Variants in PSPC1 observed in about 807,000 individuals in gnomAD.
PSPC1 encodes paraspeckle component 1.
In PSPC1, 14 loss-of-function variants were observed where a neutral mutation model predicts 51.6. That is an observed-to-expected ratio of 0.27 (90% CI 0.18 to 0.42). The LOEUF (loss-of-function observed/expected upper bound fraction) is 0.42, where lower values mean the gene tolerates loss of function less well. Among genes scored for constraint, PSPC1 ranks in the 10% least tolerant of loss-of-function variants. PSPC1 has a pLI of 1.00. For synonymous variants in PSPC1, 193 were observed against 231.9 expected, an observed-to-expected ratio of 0.83 and a Z score of 1.53; for missense variants, 406 against 701.1, an observed-to-expected ratio of 0.58 and a Z score of 4.75.
At chr13:19,751,559 C>T (rs891693157) in intron 3 of PSPC1, 92 bp from the exon 4 acceptor site, 181 of 845,812 alleles carry the variant, frequency 2.1e-4, no homozygotes, top group Non-Finnish European at 2.8e-4. Flanking sequence ...TCCAAGACAC[C>T]GTGTGAGACA....
intron 6 of PSPC1, among the ~76,000 whole-genome samples, chr13:19,682,189 T>C (rs1314616066): frequency 3.3e-5 from 5 of 152,210 alleles, no homozygotes; most frequent in East Asian, 1.9e-4. Context: ...TTTCAGTTAA[T>C]TGGACAACTA....
intron 6 of PSPC1, among the ~76,000 whole-genome samples, chr13:19,727,687 A>C (rs1176187172): frequency 6.6e-6 from 1 of 152,348 alleles, no homozygotes; most frequent in East Asian, 1.9e-4. Flanking sequence ...TAAACTACTT[A>C]ATCTACAGTT....
At chr13:19,761,096 G>A (rs1487394792) in intron 2 of PSPC1, among the ~76,000 whole-genome samples, 1 of 152,080 alleles carries the variant, frequency 6.6e-6, no homozygotes, top group African/African-American at 2.4e-5. Context: ...AGTGAGCTAT[G>A]ATAGAGCCAC....
In PSPC1 at chr13:19,782,346, A is replaced by G. The variant is rs574332004; in HGVS notation, c.372+40T>C. The G allele has an allele frequency of 8.5e-6, 13 of 1,536,524 alleles. No homozygotes were observed. The African/African-American group carries it at 9.9e-5, about 12-fold the overall frequency. On this transcript the variant is annotated intron_variant, in intron 1 of 8. Coordinates refer to ENST00000338910, the MANE Select transcript of PSPC1 (RefSeq NM_001354909.2). This position sits in a 1 kb window ranked among gnomAD's most constrained non-coding sequence, Gnocchi z 4.5. ...GCCCCACGACCCCGCGGCCACCCCGACAGTCCTTTTGTTCCCTCGCGCGGG... is the reference window on the plus strand; with the variant it reads ...GCCCCACGACCCCGCGGCCACCCCGGCAGTCCTTTTGTTCCCTCGCGCGGG...
intron 6 of PSPC1, among the ~76,000 whole-genome samples, chr13:19,718,049 AT>A (rs1486550647): frequency 2.0e-5 from 3 of 152,098 alleles, no homozygotes; most frequent in Non-Finnish European, 2.9e-5. Context: ...CTCCAAAAAA[AT>A]TTTTAAACGT....
Position 19,739,273 on chromosome 13 carries a change from A to G in PSPC1, c.1052+2292T>C, listed in dbSNP as rs559833441. ...TTAGGTTAATTTCTTGTATTTTTGT[A>G]TCCTATTTTGGAATCCACCCCTCAT... On this transcript the variant is annotated intron_variant, in intron 5 of 8. Transcript: ENST00000338910. Among the ~76,000 whole-genome samples the G allele has an allele frequency of 2.6e-5, 4 of 152,170 alleles. No homozygotes were observed. The South Asian group carries it at 8.3e-4, about 32-fold the overall frequency.
chr13:19,695,255 T>C lies in PSPC1; in HGVS notation c.1159-17432A>G, dbSNP rs187273394. On this transcript the variant is annotated intron_variant and NMD_transcript_variant, in intron 6 of 7. Transcript: ENST00000471658. The stretch of plus-strand genomic sequence containing the variant: ...ATCCATTCATATGTCAAAAAGTTCA[T>C]GACATGAACCCCTAGACTTTAGTTG... 1.4e-4 allele frequency among the ~76,000 whole-genome samples: 22 copies of C among 152,336 alleles called. No homozygotes were observed. In the South Asian group the frequency reaches 2.3e-3, roughly 16 times the overall value.
chr13:19,682,486 CA>C (rs138769031), intron 6 of PSPC1, among the ~76,000 whole-genome samples: 4,642 of 98,512 alleles, frequency 0.047, 58 homozygotes, highest in Middle Eastern at 0.12. Flanking sequence ...GGCTGAATGG[CA>C]AAAAAAAAAA....
At chr13:19,766,858 G>GA (rs573223257) in intron 2 of PSPC1, among the ~76,000 whole-genome samples, 3 of 144,332 alleles carry the variant, frequency 2.1e-5, no homozygotes, top group East Asian at 2.0e-4. Context: ...TTGCCTCGAG[G>GA]AAAAAAAAAG....
At chr13:19,696,509 A>G (rs1879268838) in intron 6 of PSPC1, among the ~76,000 whole-genome samples, 1 of 149,322 alleles carries the variant, frequency 6.7e-6, no homozygotes, top group Admixed American at 7.0e-5. Context: ...GCACACACAC[A>G]CACACATACG....
chr13:19,751,061 G>A (rs917290463), intron 4 of PSPC1, among the ~76,000 whole-genome samples: 35 of 151,756 alleles, frequency 2.3e-4, no homozygotes, highest in African/African-American at 7.7e-4. Context: ...GAGCCACCGC[G>A]CCCGTCAAGT....
At chr13:19,769,708 C>G (rs1442049440) in intron 2 of PSPC1, among the ~76,000 whole-genome samples, 17 of 151,984 alleles carry the variant, frequency 1.1e-4, no homozygotes, top group Admixed American at 1.1e-3. Context: ...GCACTCCAGC[C>G]TGGGCAACAA....
intron 7 of PSPC1, among the ~76,000 whole-genome samples, chr13:19,707,033 AATCTAG>A (rs1280324648): frequency 6.6e-6 from 1 of 152,132 alleles, no homozygotes; most frequent in Non-Finnish European, 1.5e-5. Context: ...TAATTTCTAC[AATCTAG>A]ACATGAAGAG....
downstream of PSPC1, among the ~76,000 whole-genome samples, chr13:19,700,434 C>T (rs1879761052): frequency 6.6e-6 from 1 of 151,870 alleles, no homozygotes; most frequent in Admixed American, 6.6e-5. Context: ...ACTAAGTGCT[C>T]AGCACTGATT....
At chr13:19,767,329 C>A in intron 2 of PSPC1, among the ~76,000 whole-genome samples, 1 of 151,910 alleles carries the variant, frequency 6.6e-6, no homozygotes, top group Non-Finnish European at 1.5e-5. Context: ...GCTTAATAGT[C>A]GAAAGTAAGT....
chr13:19,703,814 A>T (rs1477849206), intron 8 of PSPC1, among the ~76,000 whole-genome samples: 2 of 152,204 alleles, frequency 1.3e-5, no homozygotes, highest in African/African-American at 4.8e-5. Flanking sequence ...AAATCTTCAC[A>T]TCAATTCCTT....
At chr13:19,743,286 CAAATTACCTCAACTGAATGTTTCTTAATA>C in intron 4 of PSPC1, among the ~76,000 whole-genome samples, 1 of 152,118 alleles carries the variant, frequency 6.6e-6, no homozygotes, top group Non-Finnish European at 1.5e-5. Flanking sequence ...CTAAAGTGAA[CAAATTACCTCAACTGAATGTTTCTTAATA>C]AACACCTGTA....
At chr13:19,671,237 T>G (rs1314091027), downstream of PSPC1, 1 of 1,614,052 alleles carries the variant, frequency 6.2e-7, no homozygotes, top group East Asian at 2.2e-5. Flanking sequence ...TTCAGCCCTG[T>G]TGCAGGTCCC....
chr13:19,767,619 T>G lies in PSPC1; in HGVS notation c.674+4623A>C, dbSNP rs189482835. The stretch of plus-strand genomic sequence containing the variant: ...AAGTACAATTTTGGAACTGACAAAC[T>G]GGTCAATGAAACAAAAAAGTACAGA... On this transcript the variant is annotated intron_variant, in intron 2 of 8. Coordinates refer to ENST00000338910, the MANE Select transcript of PSPC1 (RefSeq NM_001354909.2). Among the ~76,000 whole-genome samples, 588 of 151,946 alleles carry G rather than the reference T, an allele frequency of 3.9e-3. 4 individuals carry two copies. Among genetic ancestry groups the G allele is most frequent in the South Asian group, 8.5e-3 (41 of 4,828 alleles).
Sources: gnomAD v4.1 joint callset for allele counts (sites outside exome capture counted in the v4.1 genomes callset) on GRCh38, gnomAD v4.1.1 for gene constraint, Gnocchi (gnomAD v3.1) non-coding constraint, MANE v1.5 for transcripts, NCBI Gene and HGNC (gene_info 2026-07-23, HGNC 2026-07-21) for gene names.